The following TNC variants were observed in gnomAD, a reference collection of about 807,000 sequenced individuals.
TNC encodes the protein tenascin.
Under a neutral mutation model 202.4 loss-of-function variants are expected in TNC, and 109 were observed. The observed-to-expected ratio is 0.54, with a 90% CI of 0.46 to 0.63. The LOEUF is 0.63. Ranked by LOEUF, TNC falls within the 30% of genes least tolerant of loss-of-function variation. The pLI is 0.00. For missense variants in TNC, 2,756 were observed against 2,833.3 expected (o/e 0.97, Z 0.62); for synonymous variants, 1,007 against 1,089.7 (o/e 0.92, Z 1.50).
Position 115,084,334 on chromosome 9 carries a change from C to T in TNC, c.2006G>A (p.Arg669His), listed in dbSNP as rs140818796. The change falls in exon 4 of 28, where the codon CGT (arginine) becomes CAT (histidine). Residue 669 changes from arginine (R) to histidine (H), a missense_variant. Arg to His is a conservative substitution (Grantham distance 29). Around this residue, in one of 2 missense-constraint regions of TNC, gnomAD observed 2,559 missense variants for 2,546.0 expected, o/e 1.01. Transcript: ENST00000350763. ...GGTGGACGTCTGGTCCCCAGGCACA[C>T]GGAACTGCATTTCCAGACCACCCTC... is the stretch of plus-strand genomic sequence containing the variant. Reference protein sequence around the residue: ...THEGGLEMQFRVPGDQTSTII... With the variant: ...THEGGLEMQFHVPGDQTSTII... 3.0e-5 allele frequency: 49 copies of T among 1,614,188 alleles called. No homozygotes were observed. Among genetic ancestry groups the T allele is most frequent in the Admixed American group, 2.0e-4 (12 of 60,026 alleles).
At chr9:115,054,479 C>T (rs1831944820) in intron 15 of TNC, among the ~76,000 whole-genome samples, 1 of 152,112 alleles carries the variant, frequency 6.6e-6, no homozygotes, top group South Asian at 2.1e-4. Context: ...AACAATCTCC[C>T]AAATTAAGGA....
intron 24 of TNC, 73 bp downstream of exon 24, chr9:115,030,181 C>T: frequency 6.9e-7 from 1 of 1,454,620 alleles, no homozygotes; most frequent in Non-Finnish European, 9.3e-7. Flanking sequence ...AGATCACCCT[C>T]TTCTCCTCCC....
chr9:115,106,749 C>T (rs944595257), intron 1 of TNC, among the ~76,000 whole-genome samples: 2 of 152,150 alleles, frequency 1.3e-5, no homozygotes, highest in Admixed American at 6.6e-5. Flanking sequence ...ATCTAAAAAA[C>T]GTGTGGTTTC....
intron 1 of TNC, among the ~76,000 whole-genome samples, chr9:115,092,253 A>G (rs1835289183): frequency 6.6e-6 from 1 of 152,244 alleles, no homozygotes. Flanking sequence ...AGCCTTAAAT[A>G]GTGAGAAGAA....
At position 115,036,066 on chromosome 9, in the gene TNC, G is replaced by A. The variant is rs746141454; in HGVS notation, c.5656+32C>T. 7 of 1,612,804 alleles carry A rather than the reference G, an allele frequency of 4.3e-6. 1 individual carries two copies. Among genetic ancestry groups the A allele is most frequent in the South Asian group, 3.3e-5 (3 of 90,992 alleles). On this transcript the variant is annotated intron_variant, in intron 21 of 27. Transcript: ENST00000350763. ...CAGGCTGTGGGTGGGCACCCCAGAA[G>A]GGAGAGCTTCCAGCTCTCAGTGTCT...
chr9:115,074,256 CTG>C (rs1188960795), intron 9 of TNC, among the ~76,000 whole-genome samples: 4 of 152,218 alleles, frequency 2.6e-5, no homozygotes, highest in African/African-American at 9.6e-5. Context: ...CACTGAATGT[CTG>C]TGCCTCTCTA....
At chr9:115,071,100 C>T (rs1011843709) in intron 10 of TNC, among the ~76,000 whole-genome samples, 4 of 152,190 alleles carry the variant, frequency 2.6e-5, no homozygotes, top group South Asian at 4.1e-4. Flanking sequence ...ATTAAATACC[C>T]GTCTTCTTTG....
intron 23 of TNC, among the ~76,000 whole-genome samples, chr9:115,031,237 G>A (rs575756236): frequency 3.9e-5 from 6 of 152,322 alleles, no homozygotes; most frequent in Non-Finnish European, 7.4e-5. Flanking sequence ...CAAGGTCCTG[G>A]TGACAGAGGA....
intron 10 of TNC, among the ~76,000 whole-genome samples, chr9:115,070,824 C>A (rs530121160): frequency 5.9e-5 from 9 of 152,340 alleles, no homozygotes; most frequent in Admixed American, 5.2e-4. Flanking sequence ...CCCAAGAGCT[C>A]TCGCTTTTCC....
chr9:115,038,283 G>A lies in TNC; in HGVS notation c.5490C>T (p.Val1830=), dbSNP rs1830480662. The part of the protein sequence containing the change: ...QPAIATVDSY[V]ISYTGEKVPE... Reference sequence around the variant, plus strand: ...TACCTTTCTCGCCTGTGTAGGAGATGACATAACTGTCCACAGTGGCAATGG... The same window carrying A: ...TACCTTTCTCGCCTGTGTAGGAGATAACATAACTGTCCACAGTGGCAATGG... Residue 1830 remains valine, a synonymous_variant, in exon 20 of 28, where the codon GTC becomes GTT. Transcript: ENST00000350763. The A allele has an allele frequency of 6.2e-7, 1 of 1,613,976 alleles. No homozygotes were observed. Among genetic ancestry groups the A allele is most frequent in the Admixed American group, 1.7e-5 (1 of 60,004 alleles).
chr9:115,042,022 C>A (rs1484856832), intron 18 of TNC, among the ~76,000 whole-genome samples, 197 bp downstream of exon 18: 1 of 152,198 alleles, frequency 6.6e-6, no homozygotes, highest in African/African-American at 2.4e-5. Context: ...GTTCAAGTGA[C>A]CCTTCACAAG....
intron 7 of TNC, among the ~76,000 whole-genome samples, chr9:115,077,485 C>T (rs977352785): frequency 3.9e-5 from 6 of 152,096 alleles, no homozygotes; most frequent in East Asian, 3.9e-4. Flanking sequence ...CCACCACGCC[C>T]GGCCTCCTCA....
In TNC at chr9:115,063,636, C is replaced by A. The variant is rs574450192; in HGVS notation, c.3760+160G>T. ...GAACTGGGCTACAACTAGGACTTAGCCAAATAAGGGATGTGACATTTAGGA... is the reference window on the plus strand; with the variant it reads ...GAACTGGGCTACAACTAGGACTTAGACAAATAAGGGATGTGACATTTAGGA... On this transcript the variant is annotated intron_variant, in intron 12 of 27. Coordinates refer to ENST00000350763, the MANE Select transcript of TNC (RefSeq NM_002160.4). Among the ~76,000 whole-genome samples, 6 of 152,226 alleles carry A rather than the reference C, an allele frequency of 3.9e-5. No individual in the cohort carries two copies. In the South Asian group the frequency reaches 1.2e-3, roughly 32 times the overall value.
chr9:115,091,531 T>C (rs1339332987), intron 1 of TNC, among the ~76,000 whole-genome samples: 1 of 152,232 alleles, frequency 6.6e-6, no homozygotes, highest in African/African-American at 2.4e-5. Context: ...ATGACAGGGT[T>C]AAAAGAATGA....
At chr9:115,038,703 A>AC (rs1189975264) in intron 19 of TNC, among the ~76,000 whole-genome samples, 1 of 152,242 alleles carries the variant, frequency 6.6e-6, no homozygotes, top group Non-Finnish European at 1.5e-5. Flanking sequence ...ACAAGGCTGA[A>AC]CACATGACAA....
At chr9:115,077,822 G>A in intron 7 of TNC, 121 bp downstream of exon 7, 2 of 1,044,742 alleles carry the variant, frequency 1.9e-6, no homozygotes, top group South Asian at 1.8e-5. Flanking sequence ...TACAGGAGTA[G>A]AAATACCCCT....
At chr9:115,059,698 G>A in intron 14 of TNC, 32 bp downstream of exon 14, 2 of 1,544,470 alleles carry the variant, frequency 1.3e-6, no homozygotes, top group Non-Finnish European at 1.7e-6. Context: ...AAAGAACCTT[G>A]GGGAGAAAGC....
At chr9:115,021,305 G>C in intron 27 of TNC, 38 bp from the exon 28 acceptor site, 2 of 1,472,290 alleles carry the variant, frequency 1.4e-6, no homozygotes, top group Non-Finnish European at 1.9e-6. Context: ...GAGAGAGAGA[G>C]AAGGCCTCCA....
intron 1 of TNC, among the ~76,000 whole-genome samples, chr9:115,112,369 A>G (rs553497300): frequency 3.9e-5 from 6 of 152,302 alleles, no homozygotes; most frequent in African/African-American, 1.4e-4. Flanking sequence ...GAGCCCTTTC[A>G]TCAAATAAAA....
Sources: allele counts gnomAD v4.1 joint callset (sites outside exome capture counted in the v4.1 genomes callset), GRCh38; gene constraint gnomAD v4.1.1; regional missense constraint gnomAD v4.1.1; transcripts MANE v1.5; gene names NCBI Gene and HGNC (gene_info 2026-07-23, HGNC 2026-07-21).